Variants in PPARGC1A observed in about 807,000 individuals in gnomAD.
PPARGC1A encodes the protein PPARG coactivator 1 alpha.
In PPARGC1A, 25 loss-of-function variants were observed where a neutral mutation model predicts 88.7. That is an observed-to-expected ratio of 0.28 (90% CI 0.21 to 0.39). PPARGC1A has a LOEUF of 0.39. Among genes scored for constraint, PPARGC1A ranks in the 10% least tolerant of loss-of-function variants. The pLI is 1.00. For missense variants in PPARGC1A, 880 were observed against 968.7 expected (o/e 0.91, Z 1.22); for synonymous variants, 363 against 355.6 (o/e 1.02, Z -0.24).
chr4:24,468,832 TG>T, the PPARGC1A span, among the ~76,000 whole-genome samples: 14 of 152,258 alleles, frequency 9.2e-5, no homozygotes, highest in South Asian at 2.9e-3. Context: ...CTTGTGAAAA[TG>T]AAAGTAATCA....
chr4:24,006,667 G>A, the PPARGC1A span, among the ~76,000 whole-genome samples: 1 of 152,044 alleles, frequency 6.6e-6, no homozygotes, highest in Non-Finnish European at 1.5e-5. Flanking sequence ...TAGCCACAAT[G>A]TCTTTCTCCT....
In PPARGC1A at chr4:23,884,769, G is replaced by T. The variant is rs1194231522; in HGVS notation, c.217C>A (p.Pro73Thr). ...GTCCTTACCTCAAATATGTTTGAAG[G>T]CTCATTGTTGTACTGATTGGATATT... The part of the protein sequence containing the change: ...EIISNQYNNE[P>T]SNIFEKIDEE... The change falls in exon 2 of 13, where the codon CCT (proline) becomes ACT (threonine). Residue 73 changes from proline (P) to threonine (T), a missense_variant. Coordinates refer to ENST00000264867, the MANE Select transcript of PPARGC1A (RefSeq NM_013261.5). 1.9e-6 allele frequency: 3 copies of T among 1,610,438 alleles called. No homozygotes were observed. Among genetic ancestry groups the T allele is most frequent in the Non-Finnish European group, 2.5e-6 (3 of 1,178,250 alleles).
chr4:24,333,411 CTGTT>C, the PPARGC1A span, among the ~76,000 whole-genome samples: 1 of 152,084 alleles, frequency 6.6e-6, no homozygotes, highest in African/African-American at 2.4e-5. Context: ...TGACTATTAC[CTGTT>C]TGTTCCAAAT....
chr4:24,198,877 C>A, the PPARGC1A span, among the ~76,000 whole-genome samples: 1 of 152,164 alleles, frequency 6.6e-6, no homozygotes. Flanking sequence ...GTATAAGCAG[C>A]TCCTTACTAT....
At chr4:23,913,144 T>TAC in the PPARGC1A span, among the ~76,000 whole-genome samples, 2 of 140,040 alleles carry the variant, frequency 1.4e-5, no homozygotes, top group South Asian at 2.2e-4. Flanking sequence ...CACACACACA[T>TAC]ACACTCTCTC....
the PPARGC1A span, among the ~76,000 whole-genome samples, chr4:24,290,469 C>T: frequency 2.0e-5 from 3 of 152,244 alleles, no homozygotes; most frequent in South Asian, 6.2e-4. Flanking sequence ...CCTCCATTTC[C>T]TCATCTATAA....
At chr4:24,264,642 T>G in the PPARGC1A span, among the ~76,000 whole-genome samples, 118 of 152,368 alleles carry the variant, frequency 7.7e-4, 1 homozygote, top group African/African-American at 2.7e-3. Flanking sequence ...GGAGTTCAAA[T>G]GCAGTAATGC....
At chr4:24,013,534 A>C in the PPARGC1A span, among the ~76,000 whole-genome samples, 2 of 152,108 alleles carry the variant, frequency 1.3e-5, no homozygotes, top group South Asian at 2.1e-4. Context: ...AACCTCCCTG[A>C]GGCATGGTTT....
At chr4:24,218,998 G>A in the PPARGC1A span, among the ~76,000 whole-genome samples, 2 of 152,218 alleles carry the variant, frequency 1.3e-5, no homozygotes, top group African/African-American at 4.8e-5. Flanking sequence ...CAAGTACAAG[G>A]TGGGGACCAC....
At chr4:24,447,807 C>T in the PPARGC1A span, among the ~76,000 whole-genome samples, 16 of 152,172 alleles carry the variant, frequency 1.1e-4, no homozygotes, top group Non-Finnish European at 2.2e-4. Flanking sequence ...ATGAAACAGT[C>T]CCAGAAGACA....
the PPARGC1A span, among the ~76,000 whole-genome samples, chr4:24,199,426 A>C: frequency 6.6e-6 from 1 of 152,174 alleles, no homozygotes; most frequent in Non-Finnish European, 1.5e-5. Context: ...CTGTACAGAG[A>C]ACTATGGGAG....
chr4:23,936,570 C>G, the PPARGC1A span, among the ~76,000 whole-genome samples: 1 of 152,112 alleles, frequency 6.6e-6, no homozygotes, highest in East Asian at 1.9e-4. Flanking sequence ...AACCCCATCT[C>G]TACTAAAAAT....
At chr4:24,317,301 T>C in the PPARGC1A span, among the ~76,000 whole-genome samples, 1 of 151,988 alleles carries the variant, frequency 6.6e-6, no homozygotes, top group African/African-American at 2.4e-5. Context: ...CCTGACTATA[T>C]GGCAGTCACT....
the PPARGC1A span, among the ~76,000 whole-genome samples, chr4:23,934,412 A>T: frequency 6.6e-6 from 1 of 152,162 alleles, no homozygotes; most frequent in Non-Finnish European, 1.5e-5. Context: ...AGTAGACAGC[A>T]TGGCATCCAA....
At chr4:24,435,524 T>C in the PPARGC1A span, among the ~76,000 whole-genome samples, 2 of 152,168 alleles carry the variant, frequency 1.3e-5, no homozygotes, top group East Asian at 1.9e-4. Flanking sequence ...CTCTCACAGA[T>C]TGGGGACTTA....
In PPARGC1A at chr4:23,870,941, T is replaced by G. The variant is rs551315019; in HGVS notation, c.234+13811A>C. On this transcript the variant is annotated intron_variant, in intron 2 of 12. Transcript: ENST00000264867. ...AAAGGAAAAAAGTGGTATCCGTGTT[T>G]TTTTTTTTTTTTCTTTTCTATACCA... Among the ~76,000 whole-genome samples the G allele has an allele frequency of 2.7e-4, 41 of 151,868 alleles. 1 individual carries two copies. The East Asian group carries it at 4.4e-3, about 16-fold the overall frequency.
the PPARGC1A span, among the ~76,000 whole-genome samples, chr4:24,039,860 CCAT>C: frequency 6.6e-5 from 10 of 152,144 alleles, no homozygotes; most frequent in African/African-American, 1.4e-4. Context: ...ACCACCACCA[CCAT>C]CAACATGATC....
intron 2 of PPARGC1A, among the ~76,000 whole-genome samples, chr4:23,864,236 G>A (rs1389317438): frequency 6.6e-6 from 1 of 152,126 alleles, no homozygotes; most frequent in African/African-American, 2.4e-5. Context: ...TATTTATATG[G>A]TGCCTAGAAC....
chr4:24,385,892 T>C, the PPARGC1A span, among the ~76,000 whole-genome samples: 2 of 152,126 alleles, frequency 1.3e-5, no homozygotes, highest in Non-Finnish European at 2.9e-5. Context: ...ACACATTTTA[T>C]GAGGCAAGCA....
Sources: gnomAD v4.1 joint callset for allele counts (sites outside exome capture counted in the v4.1 genomes callset) on GRCh38, gnomAD v4.1.1 for gene constraint, MANE v1.5 for transcripts, NCBI Gene and HGNC (gene_info 2026-07-23, HGNC 2026-07-21) for gene names.